Variants in ERBB4 observed in about 807,000 individuals in gnomAD.
ERBB4 encodes receptor tyrosine-protein kinase erbB-4.
ERBB4 carries 42 observed loss-of-function variants against 158.0 expected under a neutral mutation model. That is an observed-to-expected ratio of 0.27 (90% CI 0.21 to 0.34). ERBB4 has a LOEUF of 0.34. Ranked by LOEUF, ERBB4 falls within the 10% of genes least tolerant of loss-of-function variation. The pLI, the probability that ERBB4 is intolerant of heterozygous loss-of-function variation, is 1.00. For missense variants in ERBB4, 1,333 were observed against 1,624.1 expected (o/e 0.82, Z 3.08); for synonymous variants, 583 against 558.7 (o/e 1.04, Z -0.61).
At chr2:211,990,431 C>A (rs1421807046) in intron 2 of ERBB4, among the ~76,000 whole-genome samples, 1 of 151,782 alleles carries the variant, frequency 6.6e-6, no homozygotes, top group Non-Finnish European at 1.5e-5. Context: ...AATAACTGTA[C>A]ATTTGTCACA....
intron 25 of ERBB4, among the ~76,000 whole-genome samples, chr2:211,405,933 C>T (rs1228042900): frequency 6.6e-6 from 1 of 152,144 alleles, no homozygotes; most frequent in East Asian, 1.9e-4. Flanking sequence ...AGACTTCTCT[C>T]CTTCCCACTC....
At chr2:212,148,338 A>G (rs1008158972) in intron 1 of ERBB4, among the ~76,000 whole-genome samples, 7 of 152,226 alleles carry the variant, frequency 4.6e-5, no homozygotes, top group African/African-American at 7.2e-5. Context: ...AATTCAAAAA[A>G]GAAGGAAAAA....
chr2:211,429,286 T>C (rs903004516), intron 21 of ERBB4, among the ~76,000 whole-genome samples: 1 of 152,142 alleles, frequency 6.6e-6, no homozygotes, highest in Non-Finnish European at 1.5e-5. Context: ...TTTCTATACT[T>C]GCCCCCTCCC....
chr2:211,665,223 G>A (rs986329425), intron 15 of ERBB4, 100 bp downstream of exon 15: 7 of 1,180,202 alleles, frequency 5.9e-6, no homozygotes, highest in Non-Finnish European at 8.9e-6. Context: ...GATTAGTAGA[G>A]TTCTATGAGA....
At chr2:211,433,129 A>G (rs539236009) in intron 20 of ERBB4, among the ~76,000 whole-genome samples, 1 of 152,296 alleles carries the variant, frequency 6.6e-6, no homozygotes, top group East Asian at 1.9e-4. Context: ...GCAATTCTGT[A>G]TTTTTAAAGC....
intron 1 of ERBB4, among the ~76,000 whole-genome samples, chr2:212,214,295 T>C (rs892543776): frequency 1.3e-5 from 2 of 151,772 alleles, no homozygotes; most frequent in Admixed American, 1.3e-4. Context: ...GCTTGAGATA[T>C]ATCTAGTGCA....
intron 1 of ERBB4, among the ~76,000 whole-genome samples, chr2:212,373,953 T>C (rs544768983): frequency 0.025 from 2,723 of 111,006 alleles, 233 homozygotes; most frequent in Non-Finnish European, 0.036. Context: ...ATATATATCA[T>C]ATATATATCC....
intron 5 of ERBB4, among the ~76,000 whole-genome samples, chr2:211,740,990 A>T (rs2074776614): frequency 6.6e-6 from 1 of 152,204 alleles, no homozygotes; most frequent in Non-Finnish European, 1.5e-5. Context: ...CAAAACTTTA[A>T]GGAGAATATC....
In ERBB4 at chr2:212,298,594, C is replaced by T. The variant is rs181484635; in HGVS notation, c.83-173691G>A. 6.9e-4 allele frequency among the ~76,000 whole-genome samples: 105 copies of T among 151,780 alleles called. 1 individual carries two copies. The highest frequency in any genetic ancestry group is 2.4e-3 in the African/African-American group (101 of 41,492). On this transcript the variant is annotated intron_variant, in intron 1 of 27. Transcript: ENST00000342788. ...GTACTTCTTCCCTATTTTACACTACCTGAGGAACTCACTACCTCTCATGTC... is the reference window on the plus strand; with the variant it reads ...GTACTTCTTCCCTATTTTACACTACTTGAGGAACTCACTACCTCTCATGTC...
chr2:211,757,423 A>G (rs2075310076), intron 4 of ERBB4, among the ~76,000 whole-genome samples: 1 of 152,236 alleles, frequency 6.6e-6, no homozygotes, highest in Non-Finnish European at 1.5e-5. Flanking sequence ...AAAATATATT[A>G]GGCAATTACT....
chr2:212,073,578 T>A (rs1294846184), intron 2 of ERBB4, among the ~76,000 whole-genome samples: 2 of 151,966 alleles, frequency 1.3e-5, no homozygotes, highest in African/African-American at 4.8e-5. Flanking sequence ...ATTCACCTGA[T>A]AGTGTCTCCC....
intron 19 of ERBB4, among the ~76,000 whole-genome samples, chr2:211,603,827 G>A (rs374890578): frequency 7.9e-5 from 12 of 152,304 alleles, no homozygotes; most frequent in Admixed American, 2.6e-4. Flanking sequence ...CTGGGCAGAA[G>A]CTGAGATACA....
intron 19 of ERBB4, among the ~76,000 whole-genome samples, chr2:211,598,377 G>T (rs1021237811): frequency 6.6e-6 from 1 of 152,078 alleles, no homozygotes; most frequent in African/African-American, 2.4e-5. Context: ...TGTCGTGCTG[G>T]GCTGAGAAAT....
At chr2:212,498,033 T>C (rs1690674561) in intron 1 of ERBB4, among the ~76,000 whole-genome samples, 1 of 152,090 alleles carries the variant, frequency 6.6e-6, no homozygotes, top group South Asian at 2.1e-4. Context: ...GCTTCCCTAA[T>C]ATATTTTATT....
At chr2:212,175,610 T>TTTC (rs201380960) in intron 1 of ERBB4, among the ~76,000 whole-genome samples, 31,715 of 149,908 alleles carry the variant, frequency 0.21, 3,635 homozygotes, top group South Asian at 0.34. Flanking sequence ...AATATGTATT[T>TTTC]TTTTTTTTTT....
At chr2:211,553,909 TA>T (rs2067170606) in intron 20 of ERBB4, among the ~76,000 whole-genome samples, 1 of 152,238 alleles carries the variant, frequency 6.6e-6, no homozygotes, top group South Asian at 2.1e-4. Flanking sequence ...TTTCAATAGT[TA>T]AAACATTGCT....
chr2:211,680,754 A>G (rs553820755), intron 12 of ERBB4, among the ~76,000 whole-genome samples: 26 of 152,350 alleles, frequency 1.7e-4, no homozygotes, highest in African/African-American at 6.0e-4. Context: ...AATTTTTTAA[A>G]GCAGACTTAG....
chr2:211,649,133 CTG>C (rs1409670947), intron 16 of ERBB4, among the ~76,000 whole-genome samples: 6 of 151,794 alleles, frequency 4.0e-5, no homozygotes, highest in East Asian at 3.9e-4. Flanking sequence ...ATAAAATACT[CTG>C]TGTGAGAACT....
chr2:211,608,644 A>G (rs1311857383), intron 19 of ERBB4, among the ~76,000 whole-genome samples: 1 of 152,174 alleles, frequency 6.6e-6, no homozygotes, highest in East Asian at 1.9e-4. Flanking sequence ...TATTTCTGCT[A>G]TTAATAGTGG....
Sources: allele counts gnomAD v4.1 joint callset (sites outside exome capture counted in the v4.1 genomes callset), GRCh38; gene constraint gnomAD v4.1.1; transcripts MANE v1.5; gene names NCBI Gene and HGNC (gene_info 2026-07-23, HGNC 2026-07-21).